The following CLCA4 variants were observed in gnomAD, a reference collection of about 807,000 sequenced individuals.
The protein encoded by CLCA4 is chloride channel accessory 4.
A neutral mutation model predicts 78.9 loss-of-function variants in CLCA4; 69 were observed. That is an observed-to-expected ratio of 0.87 (90% CI 0.72 to 1.07). CLCA4 has a LOEUF of 1.07. Among genes scored for constraint, CLCA4 ranks in the 50% least tolerant of loss-of-function variants. The pLI is 0.00. For missense variants in CLCA4, 1,133 were observed against 1,095.8 expected (o/e 1.03, Z -0.48); for synonymous variants, 362 against 375.8 (o/e 0.96, Z 0.42).
At chr1:86,563,036 T>G (rs1430847768) in intron 3 of CLCA4, among the ~76,000 whole-genome samples, 1 of 151,908 alleles carries the variant, frequency 6.6e-6, no homozygotes, top group African/African-American at 2.4e-5. Flanking sequence ...TCTGAAGTTT[T>G]TCCCAACATT....
intron 9 of CLCA4, 32 bp from the exon 10 acceptor site, chr1:86,574,508 G>T: frequency 6.6e-7 from 1 of 1,508,602 alleles, no homozygotes; most frequent in Non-Finnish European, 9.2e-7. Flanking sequence ...ACTGTCTTCT[G>T]CAGTCATTAA....
At chr1:86,573,699 G>A (rs1021673357) in intron 9 of CLCA4, among the ~76,000 whole-genome samples, 2 of 151,998 alleles carry the variant, frequency 1.3e-5, no homozygotes, top group African/African-American at 4.8e-5. Flanking sequence ...AGTGTTTGGA[G>A]AATAAGCTGA....
intron 1 of CLCA4, among the ~76,000 whole-genome samples, chr1:86,551,000 T>G (rs1301818680): frequency 6.6e-6 from 1 of 151,590 alleles, no homozygotes; most frequent in Non-Finnish European, 1.5e-5. Flanking sequence ...CCCCGCTAAT[T>G]TTTTGTATTT....
chr1:86,573,841 A>G (rs1199511385), intron 9 of CLCA4, among the ~76,000 whole-genome samples: 1 of 152,004 alleles, frequency 6.6e-6, no homozygotes, highest in East Asian at 1.9e-4. Context: ...AATGGATGGT[A>G]GGAACACCAA....
chr1:86,579,551 T>A lies in CLCA4; in HGVS notation c.2320T>A (p.Trp774Arg). 2.5e-6 allele frequency: 4 copies of A among 1,612,708 alleles called. No homozygotes were observed. Among genetic ancestry groups the A allele is most frequent in the Non-Finnish European group, 3.4e-6 (4 of 1,179,166 alleles). Reference protein sequence around the residue: ...TVHEDKIILTWTAPGDNFDVG... With the variant: ...TVHEDKIILTRTAPGDNFDVG... ...TCATGAGGATAAGATTATTCTTACA[T>A]GGACAGCACCAGGAGATAATTTTGA... Residue 774 changes from tryptophan (W) to arginine (R), a missense_variant, in exon 13 of 14, where the codon TGG (tryptophan) becomes AGG (arginine). Physicochemically the swap from Trp to Arg is moderately radical, Grantham distance 101. Coordinates refer to ENST00000370563, the MANE Select transcript of CLCA4 (RefSeq NM_012128.4).
At position 86,563,710 on chromosome 1, in the gene CLCA4, T is replaced by G. The variant is rs767441660; in HGVS notation, c.498T>G (p.Asp166Glu). 2.5e-6 allele frequency: 4 copies of G among 1,608,300 alleles called. No homozygotes were observed. The highest frequency in any genetic ancestry group is 3.4e-6 in the Non-Finnish European group (4 of 1,176,912). The change falls in exon 4 of 14, where the codon GAT (aspartate) becomes GAG (glutamate). Residue 166 changes from aspartate to glutamate, a missense_variant. Asp to Glu is a conservative substitution (Grantham distance 45). Coordinates refer to ENST00000370563, the MANE Select transcript of CLCA4 (RefSeq NM_012128.4). ...EWAHLRWGVFDEYNEDQPFYR... is the reference protein window; with the variant it reads ...EWAHLRWGVFEEYNEDQPFYR... ...CTCACCTCCGGTGGGGAGTGTTTGA[T>G]GAGTACAATGAAGATCAGCCTTTCT...
At chr1:86,569,804 C>T (rs114044304) in intron 7 of CLCA4, among the ~76,000 whole-genome samples, 1,900 of 151,928 alleles carry the variant, frequency 0.013, 23 homozygotes, top group Middle Eastern at 0.044. Flanking sequence ...TAAAATTGAA[C>T]CCAATTATTT....
rs762606591 is a variant in CLCA4, at chr1:86,563,676, A to G, written c.464A>G (p.His155Arg). Residue 155 changes from histidine (H) to arginine (R), a missense_variant, in exon 4 of 14, where the codon CAT becomes CGT. Physicochemically the swap from His to Arg is conservative, Grantham distance 29. Transcript: ENST00000370563. ...EYGPPGKLFV[H>R]EWAHLRWGVF... The stretch of plus-strand genomic sequence containing the variant: ...TTTCCCACAGGCAAACTGTTTGTCC[A>G]TGAGTGGGCTCACCTCCGGTGGGGA... 3 of 1,590,608 alleles carry G rather than the reference A, an allele frequency of 1.9e-6. No homozygotes were observed. The highest frequency in any genetic ancestry group is 1.7e-5 in the Admixed American group (1 of 57,558).
At chr1:86,577,843 G>A (rs1650564187) in intron 11 of CLCA4, 59 bp from the exon 12 acceptor site, 1 of 1,481,620 alleles carries the variant, frequency 6.7e-7, no homozygotes, top group African/African-American at 1.4e-5. Context: ...CCAATTGCTT[G>A]TCTTAGAAAA....
In CLCA4 at chr1:86,580,442, TC is replaced by T; in HGVS notation, c.*100del. 1.0e-6 allele frequency: 1 copy of T among 954,760 alleles called. No individual in the cohort carries two copies. 59.1% of individuals were successfully genotyped at this position (954,760 alleles called of 1,614,324 possible). On this transcript the variant is annotated 3_prime_UTR_variant, in exon 14 of 14. Coordinates refer to ENST00000370563, the MANE Select transcript of CLCA4 (RefSeq NM_012128.4). Reference sequence around the variant, plus strand: ...GGATATTTCTGAATCTTAAAATTCATCCCATGTGTGATCATAAACTCATAAA... The same window carrying T: ...GGATATTTCTGAATCTTAAAATTCATCCATGTGTGATCATAAACTCATAAA...
intron 13 of CLCA4, 45 bp from the exon 14 acceptor site, chr1:86,579,897 T>G: frequency 3.3e-6 from 4 of 1,214,138 alleles, no homozygotes; most frequent in Non-Finnish European, 4.7e-6. Flanking sequence ...GGAATGAATA[T>G]GCTATGCTGC....
At position 86,574,476 on chromosome 1, in the gene CLCA4, A is replaced by G. The variant is rs547897411; in HGVS notation, c.1468-64A>G. On this transcript the variant is annotated intron_variant, in intron 9 of 13. Coordinates refer to ENST00000370563, the MANE Select transcript of CLCA4 (RefSeq NM_012128.4). ...GTTCTCAGGCCAGAAATTAAAAACC[A>G]TCTTGAAAAAAGAATAAAATTACTG... 4.6e-5 allele frequency: 63 copies of G among 1,365,770 alleles called. No individual in the cohort carries two copies. The Middle Eastern group carries it at 6.3e-4, about 14-fold the overall frequency. 84.6% of individuals were successfully genotyped at this position (1,365,770 alleles called of 1,614,324 possible).
At chr1:86,576,684 G>A (rs1325568076) in intron 11 of CLCA4, among the ~76,000 whole-genome samples, 1 of 151,972 alleles carries the variant, frequency 6.6e-6, no homozygotes, top group Non-Finnish European at 1.5e-5. Context: ...AGTAATCCTC[G>A]ACAGCTGGAA....
chr1:86,548,041 G>A (rs559501760), intron 1 of CLCA4, among the ~76,000 whole-genome samples: 1 of 152,032 alleles, frequency 6.6e-6, no homozygotes, highest in East Asian at 1.9e-4. Context: ...TTCCATAATG[G>A]CTGTATCAAC....
chr1:86,565,918 C>T lies in CLCA4; in HGVS notation c.852C>T (p.Asn284=), dbSNP rs1338064922. ...TTAGCAATTCTGAGGATTTTAAAAA[C>T]ACCATACCCATGGTGACACCACCTC... is the stretch of plus-strand genomic sequence containing the variant. ...EVISNSEDFK[N]TIPMVTPPPP... The change falls in exon 6 of 14, where the codon AAC becomes AAT. Residue 284 remains asparagine (N), a synonymous_variant. Coordinates refer to ENST00000370563, the MANE Select transcript of CLCA4 (RefSeq NM_012128.4). The T allele has an allele frequency of 1.2e-6, 2 of 1,613,104 alleles. No individual in the cohort carries two copies. Among genetic ancestry groups the T allele is most frequent in the Admixed American group, 3.3e-5 (2 of 59,976 alleles).
At position 86,567,534 on chromosome 1, in the gene CLCA4, T is replaced by C. The variant is rs754756015; in HGVS notation, c.1065T>C (p.Ile355=). Residue 355 remains isoleucine (I), a synonymous_variant, in exon 7 of 14, where the codon ATT becomes ATC. Transcript: ENST00000370563. The part of the protein sequence containing the change: ...GMVHFDSTAT[I]VNKLIQIKSS... Reference sequence around the variant, plus strand: ...TTCACTTTGATAGTACTGCCACTATTGTAAATAAGCTAATCCAAATAAAAA... The same window carrying C: ...TTCACTTTGATAGTACTGCCACTATCGTAAATAAGCTAATCCAAATAAAAA... 2 of 1,613,170 alleles carry C rather than the reference T, an allele frequency of 1.2e-6. No homozygotes were observed. The highest frequency in any genetic ancestry group is 1.7e-5 in the Admixed American group (1 of 59,944).
At chr1:86,567,331 G>T in intron 6 of CLCA4, 93 bp from the exon 7 acceptor site, 1 of 1,041,032 alleles carries the variant, frequency 9.6e-7, no homozygotes, top group Non-Finnish European at 1.4e-6. Flanking sequence ...CATAGAAAAT[G>T]TTACCAATAA....
At chr1:86,578,143 T>C (rs1479595781) in intron 12 of CLCA4, 71 bp downstream of exon 12, 1 of 1,358,870 alleles carries the variant, frequency 7.4e-7, no homozygotes, top group African/African-American at 1.5e-5. Flanking sequence ...TAATTAGGCT[T>C]CAAACAGGTT....
In CLCA4 at chr1:86,565,910, T is replaced by C. The variant is rs962354275; in HGVS notation, c.844T>C (p.Phe282Leu). 4 of 1,612,774 alleles carry C rather than the reference T, an allele frequency of 2.5e-6. No homozygotes were observed. The African/African-American group carries it at 5.3e-5, about 22-fold the overall frequency. ...GGAGGTGATTAGCAATTCTGAGGAT[T>C]TTAAAAACACCATACCCATGGTGAC... The part of the protein sequence containing the change: ...TWEVISNSED[F>L]KNTIPMVTPP... The change falls in exon 6 of 14, where the codon TTT becomes CTT. Residue 282 changes from phenylalanine to leucine, a missense_variant. By Grantham distance (22) the Phe-to-Leu change is conservative (BLOSUM62 0). Coordinates refer to ENST00000370563, the MANE Select transcript of CLCA4 (RefSeq NM_012128.4).
Sources: gnomAD v4.1 joint callset for allele counts (sites outside exome capture counted in the v4.1 genomes callset) on GRCh38, gnomAD v4.1.1 for gene constraint, MANE v1.5 for transcripts, NCBI Gene and HGNC (gene_info 2026-07-23, HGNC 2026-07-21) for gene names.